Variants in KDM4A observed in about 807,000 individuals in gnomAD.
KDM4A encodes lysine demethylase 4A.
KDM4A carries 23 observed loss-of-function variants against 127.1 expected under a neutral mutation model. The ratio of observed to expected loss-of-function variants is 0.18; its 90% confidence interval spans 0.13 to 0.26. The LOEUF is 0.26. Ranked by LOEUF, KDM4A falls within the 10% of genes least tolerant of loss-of-function variation. KDM4A has a pLI of 1.00. For synonymous variants in KDM4A, 443 were observed against 466.5 expected, an observed-to-expected ratio of 0.95 and a Z score of 0.65; for missense variants, 890 against 1,329.1, an observed-to-expected ratio of 0.67 and a Z score of 5.14.
At chr1:43,654,912 C>T (rs1660205034) in intron 2 of KDM4A, among the ~76,000 whole-genome samples, 1 of 151,578 alleles carries the variant, frequency 6.6e-6, no homozygotes, top group South Asian at 2.1e-4. Context: ...AGTGCAATGG[C>T]GCAATCTTGG....
At chr1:43,654,633 G>A (rs1312779023) in intron 2 of KDM4A, among the ~76,000 whole-genome samples, 2 of 151,744 alleles carry the variant, frequency 1.3e-5, no homozygotes, top group Non-Finnish European at 2.9e-5. Flanking sequence ...GGTAGCTAAT[G>A]TAGAGTCTTG....
At chr1:43,695,045 G>C (rs1235860871) in intron 18 of KDM4A, 151 bp downstream of exon 18, 3 of 750,406 alleles carry the variant, frequency 4.0e-6, no homozygotes, top group Admixed American at 2.9e-5. Context: ...GGTGGCCCCT[G>C]TCCATCTCCA....
chr1:43,672,609 C>T (rs1660647929), intron 11 of KDM4A, among the ~76,000 whole-genome samples: 1 of 152,136 alleles, frequency 6.6e-6, no homozygotes, highest in Non-Finnish European at 1.5e-5. Flanking sequence ...ATTCTCCTGC[C>T]TCAGCCTCCC....
In KDM4A at chr1:43,704,068, T is replaced by C; in HGVS notation, c.3010T>C (p.Tyr1004His). ...SQLVVKRDDV[Y>H]TLDEELPKRV... ...ACTTGTGGTTAAGAGAGATGATGTA[T>C]ACACACTGGATGAAGAGCTTCCCAA... Residue 1004 changes from tyrosine to histidine, a missense_variant, in exon 21 of 22, where the codon TAC (tyrosine) becomes CAC (histidine). This residue lies in a region of KDM4A where 246 missense variants were observed against 418.4 expected (regional missense o/e 0.59). Coordinates refer to ENST00000372396, the MANE Select transcript of KDM4A (RefSeq NM_014663.3). 1 of 1,614,148 alleles carries C rather than the reference T, an allele frequency of 6.2e-7. No individual in the cohort carries two copies. Among genetic ancestry groups the C allele is most frequent in the Non-Finnish European group, 8.5e-7 (1 of 1,180,008 alleles).
At chr1:43,665,569 TCC>T in intron 5 of KDM4A, 125 bp from the exon 6 acceptor site, 17 of 746,370 alleles carry the variant, frequency 2.3e-5, no homozygotes, top group Admixed American at 6.7e-5. Context: ...TTTTTCAGAT[TCC>T]TTTCTACTGC....
At position 43,691,509 on chromosome 1, in the gene KDM4A, C is replaced by G. The variant is rs141609782; in HGVS notation, c.2256C>G (p.Val752=). The G allele has an allele frequency of 1.5e-5, 24 of 1,612,652 alleles. No individual in the cohort carries two copies. The highest frequency in any genetic ancestry group is 3.3e-5 in the Admixed American group (2 of 59,898). Residue 752 remains valine (V), a synonymous_variant, in exon 15 of 22, where the codon GTC becomes GTG. Coordinates refer to ENST00000372396, the MANE Select transcript of KDM4A (RefSeq NM_014663.3). ...TGTCCCTGTTAGGTTGCTATGGGGT[C>G]CCCCCTGCAAAGGCTTCTGAAGACT... The part of the protein sequence containing the change: ...SVRVHASCYG[V]PPAKASEDWM...
At chr1:43,666,637 A>G in intron 7 of KDM4A, 82 bp downstream of exon 7, 2 of 1,132,320 alleles carry the variant, frequency 1.8e-6, no homozygotes, top group East Asian at 2.4e-5. Flanking sequence ...GTTCATCACT[A>G]TACCAAGAGG....
At chr1:43,676,896 A>G (rs1020571056) in intron 11 of KDM4A, among the ~76,000 whole-genome samples, 1 of 152,186 alleles carries the variant, frequency 6.6e-6, no homozygotes, top group African/African-American at 2.4e-5. Flanking sequence ...ATTGTAAACT[A>G]TAGTCACCCT....
chr1:43,662,076 A>T (rs746506339), intron 4 of KDM4A, among the ~76,000 whole-genome samples: 47 of 151,630 alleles, frequency 3.1e-4, no homozygotes, highest in Admixed American at 3.0e-3. Flanking sequence ...TTAATTTGTA[A>T]TTTTTTTGTA....
chr1:43,692,737 C>T (rs562033294), intron 16 of KDM4A, among the ~76,000 whole-genome samples: 1 of 152,274 alleles, frequency 6.6e-6, no homozygotes, highest in Non-Finnish European at 1.5e-5. Context: ...TGGAATGAGG[C>T]GAGTGTGCTC....
In KDM4A at chr1:43,704,976, A is replaced by C. The variant is rs1661516475; in HGVS notation, c.*606A>C. Reference sequence around the variant, plus strand: ...TCCAGGCCTGGAACCGTCTCAAGACAGTGCTGGCAAAGCTGCAGTATTGAG... The same window carrying C: ...TCCAGGCCTGGAACCGTCTCAAGACCGTGCTGGCAAAGCTGCAGTATTGAG... On this transcript the variant is annotated 3_prime_UTR_variant, in exon 22 of 22. Transcript: ENST00000372396. The C allele has an allele frequency of 6.5e-6, 1 of 153,292 alleles. No homozygotes were observed. The highest frequency in any genetic ancestry group is 2.4e-5 in the African/African-American group (1 of 41,454). The allele number at this position is 153,292 out of a possible 1,614,324, so 9.5% of individuals were successfully genotyped here. A position where few individuals can be genotyped will look rare whatever the true frequency, so the allele number is the denominator to read the frequency against.
At chr1:43,650,737 TGCAGGGC>T (rs1660093251) in intron 1 of KDM4A, 1 of 152,376 alleles carries the variant, frequency 6.6e-6, no homozygotes, top group African/African-American at 2.4e-5. Flanking sequence ...ACAGCGACCC[TGCAGGGC>T]AGGGGGTTGG....
intron 11 of KDM4A, among the ~76,000 whole-genome samples, chr1:43,683,254 G>A (rs567923170): frequency 1.3e-5 from 2 of 152,322 alleles, no homozygotes; most frequent in South Asian, 2.1e-4. Flanking sequence ...CTCCTGGGTG[G>A]CCCAGCTGCC....
rs1661036581 is a variant in KDM4A, at chr1:43,688,381, A to G, written c.1856-533A>G. Among the ~76,000 whole-genome samples the G allele has an allele frequency of 6.6e-6, 1 of 152,168 alleles. No homozygotes were observed. The highest frequency in any genetic ancestry group is 2.4e-5 in the African/African-American group (1 of 41,418). The stretch of plus-strand genomic sequence containing the variant: ...TTGGGGAGCCTTGTCCAGAATAGGT[A>G]CATACTGCTGACCTTTCCAGAGGAA... On this transcript the variant is annotated intron_variant, in intron 12 of 21. Coordinates refer to ENST00000372396, the MANE Select transcript of KDM4A (RefSeq NM_014663.3). This position sits in a 1 kb window ranked among gnomAD's most constrained non-coding sequence, Gnocchi z 4.4.
rs150050140 is a variant in KDM4A, at chr1:43,652,279, G to A, written c.-39-858G>A. ...AAGGGAGTAGCTTGAAAGGATAAGG[G>A]TAAAATATGGGCATTTTAGCTGTAC... is the stretch of plus-strand genomic sequence containing the variant. On this transcript the variant is annotated intron_variant, in intron 1 of 21. Transcript: ENST00000372396. Among the ~76,000 whole-genome samples the A allele has an allele frequency of 5.9e-5, 9 of 152,212 alleles. No homozygotes were observed. In the East Asian group the frequency reaches 1.7e-3, roughly 29 times the overall value.
chr1:43,674,868 A>G (rs1036149199), intron 11 of KDM4A, among the ~76,000 whole-genome samples: 1 of 151,952 alleles, frequency 6.6e-6, no homozygotes, highest in African/African-American at 2.4e-5. Context: ...CCATGGAAGC[A>G]CTCAGCTTCC....
At position 43,688,408 on chromosome 1, in the gene KDM4A, C is replaced by G. The variant is rs1661037130; in HGVS notation, c.1856-506C>G. Among the ~76,000 whole-genome samples, 2 of 152,180 alleles carry G rather than the reference C, an allele frequency of 1.3e-5. No homozygotes were observed. The highest frequency in any genetic ancestry group is 4.1e-4 in the South Asian group (2 of 4,830). ...ATACTGCTGACCTTTCCAGAGGAAG[C>G]TGGTAAGTCCTGGCCAAGGACCATG... On this transcript the variant is annotated intron_variant, in intron 12 of 21. Coordinates refer to ENST00000372396, the MANE Select transcript of KDM4A (RefSeq NM_014663.3). This position sits in a 1 kb window ranked among gnomAD's most constrained non-coding sequence, Gnocchi z 4.4.
At position 43,694,937 on chromosome 1, in the gene KDM4A, T is replaced by C. The variant is rs371046571; in HGVS notation, c.2670+43T>C. The C allele has an allele frequency of 9.9e-5, 153 of 1,539,088 alleles. No individual in the cohort carries two copies. In the African/African-American group the frequency reaches 1.8e-3, roughly 18 times the overall value. On this transcript the variant is annotated intron_variant, in intron 18 of 21. Transcript: ENST00000372396. The surrounding 1 kb of genome is among the most constrained non-coding windows in gnomAD (Gnocchi z 5.2). ...TCTAGAATCCTCTTGACAGTTTTCA[T>C]GGTCATTTTCTCTGCATGTTTTCCA...
At chr1:43,680,634 T>A (rs1447189411) in intron 11 of KDM4A, among the ~76,000 whole-genome samples, 6 of 152,246 alleles carry the variant, frequency 3.9e-5, no homozygotes, top group African/African-American at 7.2e-5. Flanking sequence ...ACCCATTTCC[T>A]TGCCCTTTCC....
Sources: gnomAD v4.1 joint callset for allele counts (sites outside exome capture counted in the v4.1 genomes callset) on GRCh38, gnomAD v4.1.1 for gene constraint, gnomAD v4.1.1 regional missense constraint, Gnocchi (gnomAD v3.1) non-coding constraint, MANE v1.5 for transcripts, NCBI Gene and HGNC (gene_info 2026-07-23, HGNC 2026-07-21) for gene names.